The following GRIK1 variants were observed in gnomAD, a reference collection of about 807,000 sequenced individuals.
The protein encoded by GRIK1 is glutamate ionotropic receptor kainate type subunit 1.
A neutral mutation model predicts 105.7 loss-of-function variants in GRIK1; 69 were observed. The ratio of observed to expected loss-of-function variants is 0.65; its 90% CI spans 0.54 to 0.80. GRIK1 has a LOEUF of 0.80. GRIK1 is among the 30% of genes least tolerant of loss of function. The pLI is 0.00. For missense variants in GRIK1, 1,109 were observed against 1,167.3 expected, an observed-to-expected ratio of 0.95 and a Z score of 0.73; for synonymous variants, 438 against 431.3, an observed-to-expected ratio of 1.02 and a Z score of -0.19.
chr21:29,565,832 C>G (rs1159546061), intron 14 of GRIK1, among the ~76,000 whole-genome samples: 2 of 152,204 alleles, frequency 1.3e-5, no homozygotes, highest in Non-Finnish European at 2.9e-5. Context: ...GTTCTACTCT[C>G]TAGACCAACC....
chr21:29,817,552 A>T (rs1400226471), intron 1 of GRIK1, among the ~76,000 whole-genome samples: 3 of 152,062 alleles, frequency 2.0e-5, no homozygotes, highest in Admixed American at 6.6e-5. Context: ...GTGACAATAC[A>T]CTGCTTCTAA....
chr21:29,705,393 T>C (rs2063885531), intron 1 of GRIK1, among the ~76,000 whole-genome samples: 1 of 152,234 alleles, frequency 6.6e-6, no homozygotes. Flanking sequence ...TCAGAAGTCC[T>C]GCAGCAAAGA....
chr21:29,892,618 G>T (rs984064177), intron 1 of GRIK1, among the ~76,000 whole-genome samples: 1 of 152,152 alleles, frequency 6.6e-6, no homozygotes. Flanking sequence ...TGATGTCAGT[G>T]GACCGACCCA....
At chr21:29,596,223 T>G (rs1421466207) in intron 9 of GRIK1, 3 of 475,114 alleles carry the variant, frequency 6.3e-6, no homozygotes, top group African/African-American at 3.9e-5. Flanking sequence ...TGTCTCCTTC[T>G]GTTACAGTTG....
chr21:29,895,351 C>T (rs541394880), intron 1 of GRIK1, among the ~76,000 whole-genome samples: 17 of 152,224 alleles, frequency 1.1e-4, no homozygotes, highest in Non-Finnish European at 2.4e-4. Flanking sequence ...AGGGAGATCT[C>T]GTCAAAATCC....
chr21:29,660,730 C>CGA (rs2062946629), intron 4 of GRIK1, among the ~76,000 whole-genome samples: 1 of 152,184 alleles, frequency 6.6e-6, no homozygotes, highest in East Asian at 1.9e-4. Flanking sequence ...CTGACTAAGC[C>CGA]GAAGTGTATT....
intron 6 of GRIK1, among the ~76,000 whole-genome samples, chr21:29,649,951 C>T (rs1029253004): frequency 2.0e-5 from 3 of 152,146 alleles, no homozygotes; most frequent in African/African-American, 2.4e-5. Context: ...GATCTATTAG[C>T]GTGCTTCTCC....
intron 16 of GRIK1, among the ~76,000 whole-genome samples, chr21:29,539,913 T>C (rs2089941397): frequency 6.6e-6 from 1 of 152,220 alleles, no homozygotes. Flanking sequence ...TGAGAAATCA[T>C]CTACACATTA....
intron 1 of GRIK1, among the ~76,000 whole-genome samples, chr21:29,905,553 C>G (rs2070582975): frequency 6.6e-6 from 1 of 150,618 alleles, no homozygotes; most frequent in African/African-American, 2.4e-5. Context: ...TCAAGTGATT[C>G]TCGTGCCTCA....
chr21:29,712,259 A>G (rs577264519), intron 1 of GRIK1, among the ~76,000 whole-genome samples: 1 of 152,252 alleles, frequency 6.6e-6, no homozygotes, highest in South Asian at 2.1e-4. Context: ...CTAAAAACAC[A>G]AAAGTTTATT....
intron 10 of GRIK1, 112 bp from the exon 11 acceptor site, chr21:29,589,154 T>C: frequency 1.5e-6 from 1 of 656,092 alleles, no homozygotes; most frequent in South Asian, 1.9e-5. Context: ...GAGCTGAGAG[T>C]ACTGAAGTCA....
At chr21:29,575,200 G>C (rs2090860822) in intron 14 of GRIK1, among the ~76,000 whole-genome samples, 1 of 151,950 alleles carries the variant, frequency 6.6e-6, no homozygotes, top group Non-Finnish European at 1.5e-5. Flanking sequence ...TGAACCAATA[G>C]TGTTATACAA....
intron 7 of GRIK1, among the ~76,000 whole-genome samples, chr21:29,629,194 ATGTGTGTGTGTGTG>A (rs71191120): frequency 6.8e-5 from 9 of 132,660 alleles, no homozygotes; most frequent in South Asian, 2.4e-4. Flanking sequence ...GAAAGGAGAA[ATGTGTGTGTGTGTG>A]TGTGTGTGTG....
At chr21:29,664,451 T>C (rs1398458742) in intron 4 of GRIK1, among the ~76,000 whole-genome samples, 1 of 152,222 alleles carries the variant, frequency 6.6e-6, no homozygotes, top group African/African-American at 2.4e-5. Flanking sequence ...TCTCAAATAA[T>C]GTGACATATG....
At chr21:29,858,650 G>T (rs896518594) in intron 1 of GRIK1, among the ~76,000 whole-genome samples, 1 of 152,034 alleles carries the variant, frequency 6.6e-6, no homozygotes, top group Non-Finnish European at 1.5e-5. Flanking sequence ...GTTTGTTTCG[G>T]GAGCTAAGGG....
At chr21:29,683,152 GA>G (rs1177644250) in intron 3 of GRIK1, among the ~76,000 whole-genome samples, 1 of 152,204 alleles carries the variant, frequency 6.6e-6, no homozygotes, top group African/African-American at 2.4e-5. Flanking sequence ...AGGCTGTGGT[GA>G]AAAGGGAACA....
chr21:29,609,984 C>A (rs1366060774), intron 7 of GRIK1, among the ~76,000 whole-genome samples: 3 of 152,120 alleles, frequency 2.0e-5, no homozygotes, highest in Non-Finnish European at 4.4e-5. Flanking sequence ...TCAGGTGTAG[C>A]AAACCCACCA....
At chr21:29,787,096 G>A (rs2145804491) in intron 1 of GRIK1, among the ~76,000 whole-genome samples, 1 of 152,268 alleles carries the variant, frequency 6.6e-6, no homozygotes, top group Admixed American at 6.5e-5. Flanking sequence ...CATTGTCTGT[G>A]CTCAAGCAGG....
At chr21:29,870,699 T>C (rs1039305332) in intron 1 of GRIK1, among the ~76,000 whole-genome samples, 1 of 152,152 alleles carries the variant, frequency 6.6e-6, no homozygotes, top group African/African-American at 2.4e-5. Context: ...ATTCAGAGCT[T>C]CTTCATACTT....
Sources: gnomAD v4.1 joint callset for allele counts (sites outside exome capture counted in the v4.1 genomes callset) on GRCh38, gnomAD v4.1.1 for gene constraint, MANE v1.5 for transcripts, NCBI Gene and HGNC (gene_info 2026-07-23, HGNC 2026-07-21) for gene names.